The following NFIB variants were observed in gnomAD, a reference collection of about 807,000 sequenced individuals.
NFIB encodes the protein nuclear factor I B.
Under a neutral mutation model 61.5 loss-of-function variants are expected in NFIB, and 11 were observed. That is an observed-to-expected ratio of 0.18 (90% confidence interval 0.11 to 0.30). The LOEUF (loss-of-function observed/expected upper bound fraction) is 0.30, where lower values mean the gene tolerates loss of function less well. Among genes scored for constraint, NFIB ranks in the 10% least tolerant of loss-of-function variants. NFIB has a pLI of 1.00. For missense variants in NFIB, 471 were observed against 608.9 expected (o/e 0.77, Z 2.38); for synonymous variants, 260 against 216.5 (o/e 1.20, Z -1.76).
chr9:14,178,102 C>G (rs754517555), intron 3 of NFIB, among the ~76,000 whole-genome samples: 68 of 152,100 alleles, frequency 4.5e-4, no homozygotes, highest in Non-Finnish European at 7.9e-4. Context: ...GCTATCAACT[C>G]TTTTTCTACC....
intron 10 of NFIB, among the ~76,000 whole-genome samples, chr9:14,099,703 C>T (rs1340405910): frequency 6.6e-6 from 1 of 152,210 alleles, no homozygotes; most frequent in East Asian, 1.9e-4. Flanking sequence ...TCAATAATAT[C>T]TGTTCAATGT....
At chr9:14,257,075 C>A (rs755471984) in intron 2 of NFIB, among the ~76,000 whole-genome samples, 2 of 152,170 alleles carry the variant, frequency 1.3e-5, no homozygotes, top group Admixed American at 6.5e-5. Flanking sequence ...AGGTTTAGCA[C>A]CCAAGGCTTT....
intron 10 of NFIB, among the ~76,000 whole-genome samples, chr9:14,112,108 T>C (rs778142047): frequency 2.0e-5 from 3 of 152,244 alleles, no homozygotes; most frequent in Non-Finnish European, 2.9e-5. Context: ...ACCAGCTCTT[T>C]ATTATTTATT....
chr9:14,243,449 C>A (rs993551886), intron 2 of NFIB, among the ~76,000 whole-genome samples: 1 of 152,094 alleles, frequency 6.6e-6, no homozygotes, highest in African/African-American at 2.4e-5. Context: ...TCTTCTACCC[C>A]GATTCCTAAG....
chr9:14,108,902 T>G (rs2036948273), intron 10 of NFIB, among the ~76,000 whole-genome samples: 1 of 152,068 alleles, frequency 6.6e-6, no homozygotes, highest in South Asian at 2.1e-4. Flanking sequence ...GAACTTTTAT[T>G]TCTAAACAAG....
intron 2 of NFIB, among the ~76,000 whole-genome samples, chr9:14,220,563 A>C (rs1411265569): frequency 1.3e-5 from 2 of 152,078 alleles, no homozygotes; most frequent in Non-Finnish European, 2.9e-5. Flanking sequence ...CTTCTCTGCT[A>C]TCTCTCTGGA....
the NFIB span, among the ~76,000 whole-genome samples, chr9:14,441,650 T>A: frequency 6.6e-6 from 1 of 151,928 alleles, no homozygotes. Context: ...CTTATTACTA[T>A]GACAAGCAGC....
chr9:14,511,652 G>A, the NFIB span, among the ~76,000 whole-genome samples: 1 of 152,146 alleles, frequency 6.6e-6, no homozygotes, highest in Non-Finnish European at 1.5e-5. Context: ...CACACACTAT[G>A]ACTGGTCTTG....
intron 2 of NFIB, among the ~76,000 whole-genome samples, chr9:14,291,144 C>A (rs2059067443): frequency 6.6e-6 from 1 of 152,052 alleles, no homozygotes; most frequent in Non-Finnish European, 1.5e-5. Flanking sequence ...TAAGCACACA[C>A]AGGGCATTTC....
In NFIB at chr9:14,084,197, C is replaced by T. The variant is rs1199529639; in HGVS notation, c.*4112G>A. 1 of 200,238 alleles carries T rather than the reference C, an allele frequency of 5.0e-6. No individual in the cohort carries two copies. The highest frequency in any genetic ancestry group is 2.3e-5 in the African/African-American group (1 of 43,404). 12.4% of individuals were successfully genotyped at this position (200,238 alleles called of 1,614,324 possible). A position where few individuals can be genotyped will look rare whatever the true frequency, so the allele number is the denominator to read the frequency against. The stretch of plus-strand genomic sequence containing the variant: ...GAGAGTTTTAACTCAAGTCCAGTCT[C>T]TAAACAAGGAATATTCTTGTTTACT... On this transcript the variant is annotated 3_prime_UTR_variant, in exon 11 of 11. Transcript: ENST00000380953.
At chr9:14,523,366 T>A in the NFIB span, among the ~76,000 whole-genome samples, 1 of 152,032 alleles carries the variant, frequency 6.6e-6, no homozygotes, top group Non-Finnish European at 1.5e-5. Context: ...TCTTCACAAG[T>A]GATTGGATAC....
At chr9:14,359,829 A>G (rs1478096592) in intron 1 of NFIB, among the ~76,000 whole-genome samples, 2 of 152,198 alleles carry the variant, frequency 1.3e-5, no homozygotes, top group Non-Finnish European at 2.9e-5. Flanking sequence ...CGCAGAAAGT[A>G]GTAAAGTTAG....
chr9:14,531,088 A>G, the NFIB span, among the ~76,000 whole-genome samples: 2 of 152,198 alleles, frequency 1.3e-5, no homozygotes, highest in Non-Finnish European at 2.9e-5. Context: ...GAAATTTATC[A>G]TGTAGCACTT....
intron 1 of NFIB, among the ~76,000 whole-genome samples, chr9:14,376,052 G>A (rs562124502): frequency 1.3e-5 from 2 of 152,270 alleles, no homozygotes; most frequent in Admixed American, 6.5e-5. Flanking sequence ...TTTAAGCTAT[G>A]GAACTTTTTA....
the NFIB span, among the ~76,000 whole-genome samples, chr9:14,456,408 G>A: frequency 6.6e-6 from 1 of 151,884 alleles, no homozygotes; most frequent in South Asian, 2.1e-4. Flanking sequence ...AAAGACAAAG[G>A]ACAAACCTGC....
At chr9:14,493,980 C>T in the NFIB span, among the ~76,000 whole-genome samples, 1 of 152,166 alleles carries the variant, frequency 6.6e-6, no homozygotes, top group Non-Finnish European at 1.5e-5. Flanking sequence ...CAATTAAAGG[C>T]ACCATCCCTG....
At chr9:14,314,740 C>G (rs542436534), upstream of NFIB, among the ~76,000 whole-genome samples, 1 of 145,896 alleles carries the variant, frequency 6.9e-6, no homozygotes, top group Non-Finnish European at 1.5e-5. Context: ...TCTCTCCCCC[C>G]ACCTCTCCCT....
At chr9:14,315,880 C>T (rs1017888470), upstream of NFIB, among the ~76,000 whole-genome samples, 1 of 151,528 alleles carries the variant, frequency 6.6e-6, no homozygotes, top group Non-Finnish European at 1.5e-5. Context: ...CTGGGGGATC[C>T]GGGGGGCGCT....
At chr9:14,198,469 T>C (rs1373777062) in intron 2 of NFIB, among the ~76,000 whole-genome samples, 3 of 151,606 alleles carry the variant, frequency 2.0e-5, no homozygotes, top group Non-Finnish European at 2.9e-5. Flanking sequence ...TAGATTCCAA[T>C]TAAACACAGA....
Sources: allele counts gnomAD v4.1 joint callset (sites outside exome capture counted in the v4.1 genomes callset), GRCh38; gene constraint gnomAD v4.1.1; transcripts MANE v1.5; gene names NCBI Gene and HGNC (gene_info 2026-07-23, HGNC 2026-07-21).